HIVEP1: variants seen among roughly 807,000 people sequenced by gnomAD.
HIVEP1 encodes HIVEP zinc finger 1, also known as zinc finger protein 40.
HIVEP1 carries 36 observed loss-of-function variants against 180.0 expected under a neutral mutation model. The ratio of observed to expected loss-of-function variants is 0.20; its 90% CI spans 0.15 to 0.26. The LOEUF (loss-of-function observed/expected upper bound fraction) is 0.26, where lower values mean the gene tolerates loss of function less well. HIVEP1 is among the 10% of genes least tolerant of loss of function. The pLI, the probability that HIVEP1 is intolerant of heterozygous loss-of-function variation, is 1.00. For missense variants in HIVEP1, 3,143 were observed against 3,268.7 expected (o/e 0.96, Z 0.94); for synonymous variants, 1,239 against 1,239.0 (o/e 1.00, Z 0.00).
intron 7 of HIVEP1, among the ~76,000 whole-genome samples, chr6:12,147,644 T>C (rs1355429384): frequency 1.3e-5 from 2 of 152,176 alleles, no homozygotes; most frequent in African/African-American, 4.8e-5. Flanking sequence ...ATAATACTAA[T>C]ACTCCCACAG....
chr6:12,084,127 C>T (rs1772963612), intron 2 of HIVEP1, among the ~76,000 whole-genome samples: 2 of 152,134 alleles, frequency 1.3e-5, no homozygotes, highest in Non-Finnish European at 2.9e-5. Flanking sequence ...AATGCTATGG[C>T]AACTCTCTCA....
At chr6:12,184,022 T>TAGATAGACAGACAGACAGAC in the HIVEP1 span, among the ~76,000 whole-genome samples, 12 of 101,974 alleles carry the variant, frequency 1.2e-4, no homozygotes, top group African/African-American at 1.5e-4. Flanking sequence ...GATAGATAGA[T>TAGATAGACAGACAGACAGAC]AGACAGACAG....
chr6:12,185,820 G>A, the HIVEP1 span, among the ~76,000 whole-genome samples: 7 of 152,114 alleles, frequency 4.6e-5, no homozygotes, highest in Non-Finnish European at 1.0e-4. Context: ...GTGGAGAAAT[G>A]GGAACCATCA....
chr6:12,210,838 C>G, the HIVEP1 span, among the ~76,000 whole-genome samples: 2 of 152,148 alleles, frequency 1.3e-5, no homozygotes, highest in Non-Finnish European at 2.9e-5. Flanking sequence ...GTGGTTTCCC[C>G]TGGAATAGAT....
chr6:12,167,678 A>G (rs1471981495), downstream of HIVEP1, among the ~76,000 whole-genome samples: 7 of 21,234 alleles, frequency 3.3e-4, no homozygotes, highest in East Asian at 1.2e-3. Flanking sequence ...ATATACATAT[A>G]TGTGTATAAT....
chr6:12,060,656 G>C (rs911579858), intron 2 of HIVEP1, among the ~76,000 whole-genome samples: 5 of 152,090 alleles, frequency 3.3e-5, no homozygotes, highest in Non-Finnish European at 7.4e-5. Flanking sequence ...AGACATAAAG[G>C]GGGCTTGCTG....
At chr6:12,182,638 C>T in the HIVEP1 span, among the ~76,000 whole-genome samples, 3 of 152,284 alleles carry the variant, frequency 2.0e-5, no homozygotes, top group South Asian at 2.1e-4. Flanking sequence ...GGCCAGAGTA[C>T]GTGGGTTCTT....
chr6:12,123,544 A>G lies in HIVEP1; in HGVS notation c.3749A>G (p.Gln1250Arg). 1 of 1,614,162 alleles carries G rather than the reference A, an allele frequency of 6.2e-7. No individual in the cohort carries two copies. The highest frequency in any genetic ancestry group is 8.5e-7 in the Non-Finnish European group (1 of 1,180,020). ...GAACCAGATCGAGACCTGGAAGCTC[A>G]ATGCCATGATCAAGAAAAGTCAGAG... ...TEEPDRDLEA[Q>R]CHDQEKSEKF... is the part of the protein sequence containing the mutation. The change falls in exon 4 of 9, where the codon CAA becomes CGA. Residue 1250 changes from glutamine (Q) to arginine (R), a missense_variant. This residue lies in a region of HIVEP1 where 1,357 missense variants were observed against 1,260.5 expected (regional missense o/e 1.08). Transcript: ENST00000379388.
In HIVEP1 at chr6:12,019,274, C is replaced by G. The variant is rs148898593; in HGVS notation, c.40+3606C>G. 2.7e-3 allele frequency among the ~76,000 whole-genome samples: 413 copies of G among 152,244 alleles called. 3 individuals are homozygous for G. Among genetic ancestry groups the G allele is most frequent in the Non-Finnish European group, 2.7e-3 (186 of 68,008 alleles). The stretch of plus-strand genomic sequence containing the variant: ...GCAAAGGGACAGAGGGGTTGGTGCT[C>G]GGCGGTGACACCTAGAAACTTCCGC... On this transcript the variant is annotated intron_variant, in intron 2 of 8. Transcript: ENST00000379388.
At position 12,121,615 on chromosome 6, in the gene HIVEP1, A is replaced by G. The variant is rs549621763; in HGVS notation, c.1820A>G (p.Asn607Ser). 3.1e-6 allele frequency: 5 copies of G among 1,614,150 alleles called. No individual in the cohort carries two copies. Among genetic ancestry groups the G allele is most frequent in the African/African-American group, 2.7e-5 (2 of 75,038 alleles). ...ACAAACGTACAGCCACTTTCAGCCAACATGTCCCAGGGTGGAGTCTCCAGG... is the reference window on the plus strand; with the variant it reads ...ACAAACGTACAGCCACTTTCAGCCAGCATGTCCCAGGGTGGAGTCTCCAGG... Reference protein sequence around the residue: ...QVTNVQPLSANMSQGGVSRLE... With the variant: ...QVTNVQPLSASMSQGGVSRLE... The change falls in exon 4 of 9, where the codon AAC becomes AGC. Residue 607 changes from asparagine to serine, a missense_variant. Asn to Ser is a conservative substitution (Grantham distance 46, BLOSUM62 1). Coordinates refer to ENST00000379388, the MANE Select transcript of HIVEP1 (RefSeq NM_002114.4). The surrounding 1 kb of genome is among the most constrained non-coding windows in gnomAD (Gnocchi z 5.3).
chr6:12,142,618 CA>C (rs1486791384), intron 7 of HIVEP1, among the ~76,000 whole-genome samples: 1 of 151,928 alleles, frequency 6.6e-6, no homozygotes, highest in Non-Finnish European at 1.5e-5. Context: ...AAAAGATCAA[CA>C]AAATTGATAG....
chr6:12,010,300 A>G (rs1767202939), upstream of HIVEP1, among the ~76,000 whole-genome samples: 1 of 152,256 alleles, frequency 6.6e-6, no homozygotes, highest in Non-Finnish European at 1.5e-5. Context: ...TTTACTTTGT[A>G]GTAGGCATAT....
At chr6:12,011,373 G>A (rs1429807298), upstream of HIVEP1, among the ~76,000 whole-genome samples, 1 of 143,862 alleles carries the variant, frequency 7.0e-6, no homozygotes, top group Non-Finnish European at 1.5e-5. Flanking sequence ...GCTGTAGAAA[G>A]TAAAGAGACG....
intron 2 of HIVEP1, among the ~76,000 whole-genome samples, chr6:12,036,359 A>G (rs1312234214): frequency 6.6e-6 from 1 of 152,276 alleles, no homozygotes; most frequent in African/African-American, 2.4e-5. Context: ...TGTTCATTAT[A>G]TGTAAAAATC....
chr6:12,170,249 G>T, the HIVEP1 span, among the ~76,000 whole-genome samples: 1 of 151,952 alleles, frequency 6.6e-6, no homozygotes, highest in African/African-American at 2.4e-5. Flanking sequence ...GCAAAAGAAG[G>T]TACCACCGAG....
intron 2 of HIVEP1, among the ~76,000 whole-genome samples, chr6:12,067,576 G>A (rs17608729): frequency 0.15 from 22,649 of 152,034 alleles, 2,199 homozygotes; most frequent in Non-Finnish European, 0.22. Context: ...CGCCAATGGC[G>A]TAGAATGGTT....
the HIVEP1 span, among the ~76,000 whole-genome samples, chr6:12,200,329 C>T: frequency 2.6e-5 from 4 of 152,204 alleles, no homozygotes; most frequent in African/African-American, 7.2e-5. Context: ...ATTAAAATTG[C>T]GCATAAATAT....
chr6:12,121,716 A>G lies in HIVEP1; in HGVS notation c.1921A>G (p.Thr641Ala), dbSNP rs746919379. ...LEGKQDSHVG[T>A]VHAQLQRQQA... ...AGGAAAGCAAGACTCTCACGTAGGA[A>G]CGGTACACGCCCAGCTACAAAGGCA... is the stretch of plus-strand genomic sequence containing the variant. Residue 641 changes from threonine (T) to alanine (A), a missense_variant, in exon 4 of 9, where the codon ACG (threonine) becomes GCG (alanine). Thr to Ala is a moderately conservative substitution (Grantham distance 58, BLOSUM62 0). Around this residue, in one of 12 missense-constraint regions of HIVEP1, gnomAD observed 365 missense variants for 344.4 expected, o/e 1.06. Coordinates refer to ENST00000379388, the MANE Select transcript of HIVEP1 (RefSeq NM_002114.4). The surrounding 1 kb of genome is among the most constrained non-coding windows in gnomAD (Gnocchi z 5.3). 1.2e-6 allele frequency: 2 copies of G among 1,614,196 alleles called. No homozygotes were observed. The highest frequency in any genetic ancestry group is 2.2e-5 in the East Asian group (1 of 44,876).
chr6:12,168,040 T>C (rs1407033914), downstream of HIVEP1, among the ~76,000 whole-genome samples: 1 of 45,178 alleles, frequency 2.2e-5, no homozygotes, highest in African/African-American at 6.0e-5. Flanking sequence ...ATATTATATA[T>C]ACATATACAT....
Sources: gnomAD v4.1 joint callset for allele counts (sites outside exome capture counted in the v4.1 genomes callset) on GRCh38, gnomAD v4.1.1 for gene constraint, gnomAD v4.1.1 regional missense constraint, Gnocchi (gnomAD v3.1) non-coding constraint, MANE v1.5 for transcripts, NCBI Gene and HGNC (gene_info 2026-07-23, HGNC 2026-07-21) for gene names.